CDH23: variants seen among roughly 807,000 people sequenced by gnomAD.
CDH23 encodes cadherin related 23, also known as cadherin-23.
CDH23 carries 189 observed loss-of-function variants against 317.1 expected under a neutral mutation model. The observed-to-expected ratio is 0.60, with a 90% CI of 0.53 to 0.67. The LOEUF (loss-of-function observed/expected upper bound fraction) is 0.67, where lower values mean the gene tolerates loss of function less well. Ranked by LOEUF, CDH23 falls within the 30% of genes least tolerant of loss-of-function variation. CDH23 has a pLI of 0.00. For missense variants in CDH23, 4,401 were observed against 4,592.4 expected (o/e 0.96, Z 1.20); for synonymous variants, 1,839 against 1,876.8 (o/e 0.98, Z 0.52).
chr10:71,660,472 G>T (rs897565788), intron 14 of CDH23, among the ~76,000 whole-genome samples: 1 of 152,078 alleles, frequency 6.6e-6, no homozygotes, highest in African/African-American at 2.4e-5. Flanking sequence ...GGTCCCAGGT[G>T]GTTGCCAGAA....
intron 3 of CDH23, among the ~76,000 whole-genome samples, chr10:71,484,689 A>T (rs945388715): frequency 1.3e-5 from 2 of 152,138 alleles, no homozygotes; most frequent in African/African-American, 2.4e-5. Flanking sequence ...GGCATCCTCT[A>T]TCTTGTTTCT....
chr10:71,406,272 A>G (rs1241035693), intron 1 of CDH23, among the ~76,000 whole-genome samples: 2 of 152,210 alleles, frequency 1.3e-5, no homozygotes, highest in African/African-American at 4.8e-5. Flanking sequence ...AGGAAGTTGC[A>G]GCAACGTGGA....
chr10:71,426,920 A>C (rs915968232), intron 1 of CDH23, among the ~76,000 whole-genome samples: 47 of 152,064 alleles, frequency 3.1e-4, no homozygotes, highest in Admixed American at 2.6e-3. Context: ...CAGAGATGGA[A>C]GAATTGCTTG....
At chr10:71,401,563 C>T (rs1356925141) in intron 1 of CDH23, among the ~76,000 whole-genome samples, 1 of 152,168 alleles carries the variant, frequency 6.6e-6, no homozygotes, top group Non-Finnish European at 1.5e-5. Flanking sequence ...TGGTGAATGT[C>T]CACCTTGCTG....
chr10:71,414,613 G>A (rs760535028), intron 1 of CDH23, among the ~76,000 whole-genome samples: 51 of 150,318 alleles, frequency 3.4e-4, no homozygotes, highest in Non-Finnish European at 5.9e-4. Flanking sequence ...AATTGCTAAT[G>A]TTCTGCTTAA....
chr10:71,543,536 A>T (rs1254951890), intron 6 of CDH23, among the ~76,000 whole-genome samples: 1 of 152,238 alleles, frequency 6.6e-6, no homozygotes, highest in Admixed American at 6.5e-5. Context: ...CCAGTTCCGC[A>T]TAGATGATTC....
intron 38 of CDH23, chr10:71,750,996 A>G (rs1399837588): frequency 2.4e-5 from 11 of 454,662 alleles, no homozygotes; most frequent in Non-Finnish European, 4.3e-5. Context: ...TGGCATCTGT[A>G]GCTGGTGAAT....
chr10:71,463,614 A>C (rs1851114603), intron 3 of CDH23, among the ~76,000 whole-genome samples: 1 of 152,182 alleles, frequency 6.6e-6, no homozygotes, highest in South Asian at 2.1e-4. Context: ...CTTACCTGCC[A>C]TCTCTCCTGC....
chr10:71,704,146 T>C (rs1865692229), intron 24 of CDH23, among the ~76,000 whole-genome samples: 1 of 152,144 alleles, frequency 6.6e-6, no homozygotes, highest in African/African-American at 2.4e-5. Context: ...TCTCGTCCAG[T>C]TTGCTGGATG....
At chr10:71,780,384 A>C (rs1840920443) in intron 41 of CDH23, among the ~76,000 whole-genome samples, 1 of 152,210 alleles carries the variant, frequency 6.6e-6, no homozygotes, top group Admixed American at 6.5e-5. Flanking sequence ...AGGATGGGGA[A>C]TGCCAGGGTG....
At chr10:71,603,011 C>T (rs984576559) in intron 9 of CDH23, among the ~76,000 whole-genome samples, 5 of 152,176 alleles carry the variant, frequency 3.3e-5, no homozygotes, top group Admixed American at 6.5e-5. Flanking sequence ...CCCCATTAGA[C>T]GGTGGGCTCC....
At chr10:71,638,947 G>A (rs1327080868) in intron 11 of CDH23, among the ~76,000 whole-genome samples, 1 of 152,146 alleles carries the variant, frequency 6.6e-6, no homozygotes. Context: ...CTGATAAGGC[G>A]CTGCCCTCGT....
intron 6 of CDH23, among the ~76,000 whole-genome samples, chr10:71,562,903 A>T (rs1857204091): frequency 6.9e-6 from 1 of 144,072 alleles, no homozygotes; most frequent in Non-Finnish European, 1.6e-5. Context: ...CTCCAGCCAG[A>T]TAACAAGATC....
At position 71,778,108 on chromosome 10, in the gene CDH23, G is replaced by C. The variant is rs1290876184; in HGVS notation, c.5068-81G>C. ...TCCCCATCACAGCTCCAATGTCAGGGCCTACTTCCCAAATTGGTCAGAGGG... is the reference window on the plus strand; with the variant it reads ...TCCCCATCACAGCTCCAATGTCAGGCCCTACTTCCCAAATTGGTCAGAGGG... On this transcript the variant is annotated intron_variant, in intron 39 of 69. Transcript: ENST00000224721. 1.9e-6 allele frequency: 3 copies of C among 1,573,406 alleles called. No individual in the cohort carries two copies. The African/African-American group carries it at 4.1e-5, about 21-fold the overall frequency.
Position 71,439,807 on chromosome 10 carries a change from CTCTT to C in CDH23, c.-5-14_-5-11del, listed in dbSNP as rs1384869638. 1.3e-6 allele frequency: 2 copies of C among 1,550,122 alleles called. No homozygotes were observed. Among genetic ancestry groups the C allele is most frequent in the African/African-American group, 2.7e-5 (2 of 72,794 alleles). Reference sequence around the variant, plus strand: ...CACCCAGGAAGCTTCTCACCCTCTTCTCTTTCTTTGTGTCCCCAGGAGCCATGGG... The same window carrying C: ...CACCCAGGAAGCTTCTCACCCTCTTCTCTTTGTGTCCCCAGGAGCCATGGG... On this transcript the variant is annotated splice_polypyrimidine_tract_variant and intron_variant, in intron 1 of 69. Coordinates refer to ENST00000224721, the MANE Select transcript of CDH23 (RefSeq NM_022124.6).
At chr10:71,426,989 A>G (rs1849105034) in intron 1 of CDH23, among the ~76,000 whole-genome samples, 2 of 151,886 alleles carry the variant, frequency 1.3e-5, no homozygotes, top group Admixed American at 1.3e-4. Context: ...CTACAAAAAT[A>G]AAAATTAAAA....
At chr10:71,595,251 C>T (rs1859759364) in intron 9 of CDH23, among the ~76,000 whole-genome samples, 1 of 152,144 alleles carries the variant, frequency 6.6e-6, no homozygotes, top group African/African-American at 2.4e-5. Flanking sequence ...TAGGGAAAAG[C>T]AGGGAGGAGC....
intron 38 of CDH23, among the ~76,000 whole-genome samples, chr10:71,771,239 C>T (rs1027457054): frequency 1.3e-5 from 2 of 152,182 alleles, no homozygotes; most frequent in Admixed American, 6.5e-5. Flanking sequence ...AAGTGTACCT[C>T]TCCACCCATC....
In CDH23 at chr10:71,725,532, G is replaced by A; in HGVS notation, c.3579+12G>A. ...GGAGCTCCGTCAGGGTGAGGCTAGG[G>A]GCGGGCTGGGGTGCTGACCTCAGGA... is the stretch of plus-strand genomic sequence containing the variant. On this transcript the variant is annotated intron_variant, in intron 30 of 69. Coordinates refer to ENST00000224721, the MANE Select transcript of CDH23 (RefSeq NM_022124.6). The A allele has an allele frequency of 6.2e-7, 1 of 1,609,938 alleles. No homozygotes were observed. The highest frequency in any genetic ancestry group is 8.5e-7 in the Non-Finnish European group (1 of 1,177,890).
Sources: gnomAD v4.1 joint callset for allele counts (sites outside exome capture counted in the v4.1 genomes callset) on GRCh38, gnomAD v4.1.1 for gene constraint, MANE v1.5 for transcripts, NCBI Gene and HGNC (gene_info 2026-07-23, HGNC 2026-07-21) for gene names.